The following RANBP2 variants were observed in gnomAD, a reference collection of about 807,000 sequenced individuals.
RANBP2 encodes the protein RAN binding protein 2.
A neutral mutation model predicts 303.6 loss-of-function variants in RANBP2; 57 were observed. The observed-to-expected ratio is 0.19, with a 90% confidence interval of 0.15 to 0.23. The LOEUF is 0.23. RANBP2 is among the 10% of genes least tolerant of loss of function. RANBP2 has a pLI of 1.00. For missense variants in RANBP2, 3,138 were observed against 3,780.8 expected, an observed-to-expected ratio of 0.83 and a Z score of 4.46; for synonymous variants, 1,167 against 1,301.5, an observed-to-expected ratio of 0.90 and a Z score of 2.23.
At chr2:109,133,071 G>C in the RANBP2 span, among the ~76,000 whole-genome samples, 1 of 152,214 alleles carries the variant, frequency 6.6e-6, no homozygotes, top group African/African-American at 2.4e-5. Context: ...TGGGCTTTCT[G>C]GATGGAGCTG....
At chr2:109,091,877 G>T in the RANBP2 span, among the ~76,000 whole-genome samples, 1 of 152,168 alleles carries the variant, frequency 6.6e-6, no homozygotes, top group Non-Finnish European at 1.5e-5. Flanking sequence ...TAGCCCCATT[G>T]TGGGATGTCT....
At chr2:109,761,680 C>T in the RANBP2 span, among the ~76,000 whole-genome samples, 1 of 148,666 alleles carries the variant, frequency 6.7e-6, no homozygotes, top group Admixed American at 6.9e-5. Flanking sequence ...TAAATGTTTC[C>T]AACCAGCACT....
the RANBP2 span, among the ~76,000 whole-genome samples, chr2:109,677,971 G>C: frequency 6.6e-6 from 1 of 152,230 alleles, no homozygotes; most frequent in Non-Finnish European, 1.5e-5. Context: ...GTGAATGCCT[G>C]TGACCAGAGG....
the RANBP2 span, among the ~76,000 whole-genome samples, chr2:109,392,436 A>AT: frequency 6.6e-6 from 1 of 152,118 alleles, no homozygotes; most frequent in African/African-American, 2.4e-5. Flanking sequence ...CGTGGTGGAT[A>AT]TAAGGGTCTG....
chr2:108,768,280 A>C lies in RANBP2; in HGVS notation c.7741A>C (p.Lys2581Gln). 1 of 1,612,032 alleles carries C rather than the reference A, an allele frequency of 6.2e-7. No homozygotes were observed. Among genetic ancestry groups the C allele is most frequent in the South Asian group, 1.1e-5 (1 of 90,984 alleles). The change falls in exon 20 of 29, where the codon AAG (lysine) becomes CAG (glutamine). Residue 2581 changes from lysine to glutamine, a missense_variant. Lys to Gln is a moderately conservative substitution (Grantham distance 53, BLOSUM62 1). Coordinates refer to ENST00000283195, the MANE Select transcript of RANBP2 (RefSeq NM_006267.5). The stretch of plus-strand genomic sequence containing the variant: ...GGAACCTAAAAAATGTGAACTGTCA[A>C]AGAACTCTGATATCGAACAGTCTTC... The part of the protein sequence containing the change: ...KVEPKKCELS[K>Q]NSDIEQSSDS...
chr2:109,061,087 T>C, the RANBP2 span, among the ~76,000 whole-genome samples: 2 of 152,100 alleles, frequency 1.3e-5, no homozygotes, highest in South Asian at 2.1e-4. Flanking sequence ...AGTGGTTTCA[T>C]AGTGTCCTCT....
the RANBP2 span, among the ~76,000 whole-genome samples, chr2:109,397,872 T>C: frequency 2.0e-5 from 3 of 152,244 alleles, no homozygotes; most frequent in Admixed American, 6.5e-5. Flanking sequence ...GATCAGACTT[T>C]CGTCAAACTC....
the RANBP2 span, among the ~76,000 whole-genome samples, chr2:109,601,421 G>T: frequency 2.0e-5 from 3 of 152,118 alleles, no homozygotes; most frequent in Non-Finnish European, 4.4e-5. Context: ...TCAGTACAGG[G>T]TATTAACAAT....
the RANBP2 span, chr2:108,910,923 G>T: frequency 1.9e-6 from 3 of 1,614,096 alleles, no homozygotes; most frequent in Non-Finnish European, 2.5e-6. Context: ...AGGAAGCAGG[G>T]CACCGGCGCA....
chr2:109,645,486 G>A, the RANBP2 span, among the ~76,000 whole-genome samples: 1 of 152,160 alleles, frequency 6.6e-6, no homozygotes, highest in Admixed American at 6.5e-5. Flanking sequence ...AAAAGTAAAT[G>A]CGGGTCCTCC....
chr2:109,660,133 T>A, the RANBP2 span, among the ~76,000 whole-genome samples: 1 of 152,214 alleles, frequency 6.6e-6, no homozygotes, highest in African/African-American at 2.4e-5. Context: ...ACTCCCTTTG[T>A]ACTGTGTCAC....
chr2:108,934,703 T>C, the RANBP2 span, among the ~76,000 whole-genome samples: 3 of 152,254 alleles, frequency 2.0e-5, no homozygotes, highest in East Asian at 1.9e-4. Flanking sequence ...TTCACTGTTA[T>C]AACCAGCCCA....
chr2:109,194,428 G>A, the RANBP2 span, among the ~76,000 whole-genome samples: 111 of 152,338 alleles, frequency 7.3e-4, no homozygotes, highest in African/African-American at 2.6e-3. Context: ...GTCTTCAGCT[G>A]CGCTCTCGGC....
intron 1 of RANBP2, among the ~76,000 whole-genome samples, chr2:108,728,487 G>C (rs2149094766): frequency 6.6e-6 from 1 of 152,054 alleles, no homozygotes; most frequent in African/African-American, 2.4e-5. Flanking sequence ...ACAGGATCTT[G>C]TTGTGTTGCA....
chr2:109,229,950 A>G, the RANBP2 span, among the ~76,000 whole-genome samples: 1,929 of 150,140 alleles, frequency 0.013, 20 homozygotes, highest in South Asian at 0.024. Context: ...TCAGCCTCCC[A>G]AGTAGCTGGG....
At chr2:108,998,015 C>A in the RANBP2 span, among the ~76,000 whole-genome samples, 296 of 152,284 alleles carry the variant, frequency 1.9e-3, no homozygotes, top group African/African-American at 6.9e-3. Context: ...TGGTGATTGT[C>A]TTTTATGGGT....
chr2:109,077,272 C>T, the RANBP2 span, among the ~76,000 whole-genome samples: 2 of 150,410 alleles, frequency 1.3e-5, no homozygotes, highest in African/African-American at 4.8e-5. Context: ...GACCTTAAAC[C>T]ATAAAACTCC....
intron 26 of RANBP2, 145 bp downstream of exon 26, chr2:108,781,574 C>A: frequency 1.4e-6 from 1 of 708,104 alleles, no homozygotes; most frequent in Non-Finnish European, 2.3e-6. Context: ...GATGTCTAGC[C>A]TTTAAGTATA....
the RANBP2 span, among the ~76,000 whole-genome samples, chr2:109,602,854 C>T: frequency 6.7e-6 from 1 of 149,400 alleles, no homozygotes; most frequent in Non-Finnish European, 1.5e-5. Flanking sequence ...GAAATAGATA[C>T]CCATTAAAAG....
Sources: allele counts gnomAD v4.1 joint callset (sites outside exome capture counted in the v4.1 genomes callset), GRCh38; gene constraint gnomAD v4.1.1; transcripts MANE v1.5; gene names NCBI Gene and HGNC (gene_info 2026-07-23, HGNC 2026-07-21).